Variants in ADGRL2 observed in about 807,000 individuals in gnomAD.
ADGRL2 encodes the protein adhesion G protein-coupled receptor L2.
Under a neutral mutation model 157.4 loss-of-function variants are expected in ADGRL2, and 44 were observed. The ratio of observed to expected loss-of-function variants is 0.28; its 90% CI spans 0.22 to 0.36. The LOEUF is 0.36. Ranked by LOEUF, ADGRL2 falls within the 10% of genes least tolerant of loss-of-function variation. ADGRL2 has a pLI of 1.00. For synonymous variants in ADGRL2, 585 were observed against 624.7 expected (o/e 0.94, Z 0.95); for missense variants, 1,510 against 1,768.9 (o/e 0.85, Z 2.63).
chr1:81,769,652 A>T (rs983348715), intron 2 of ADGRL2, among the ~76,000 whole-genome samples: 3 of 151,838 alleles, frequency 2.0e-5, no homozygotes, highest in African/African-American at 7.2e-5. Flanking sequence ...TACCTTGGCT[A>T]TCATGGCCTT....
chr1:81,925,462 A>C (rs188307020), intron 3 of ADGRL2, among the ~76,000 whole-genome samples: 132 of 152,060 alleles, frequency 8.7e-4, no homozygotes, highest in African/African-American at 2.9e-3. Context: ...CTGAAAATTA[A>C]GTTTAGTGAA....
Position 81,981,888 on chromosome 1 carries a change from A to G in ADGRL2, c.3194A>G (p.Glu1065Gly). The change falls in exon 19 of 24, where the codon GAG becomes GGG. Residue 1065 changes from glutamate to glycine, a missense_variant. By Grantham distance (98) the Glu-to-Gly change is moderately conservative (BLOSUM62 -2). Transcript: ENST00000686636. ...WSFGLLFINE[E>G]TIVMAYLFTI... Reference sequence around the variant, plus strand: ...TTTGGGTTGCTTTTTATTAATGAGGAGACTATTGTGATGGCATATCTCTTC... The same window carrying G: ...TTTGGGTTGCTTTTTATTAATGAGGGGACTATTGTGATGGCATATCTCTTC... The G allele has an allele frequency of 1.2e-6, 2 of 1,612,226 alleles. No homozygotes were observed. The highest frequency in any genetic ancestry group is 1.7e-6 in the Non-Finnish European group (2 of 1,178,802).
chr1:81,450,626 G>A (rs2077685796), intron 2 of ADGRL2, among the ~76,000 whole-genome samples: 1 of 152,060 alleles, frequency 6.6e-6, no homozygotes, highest in Middle Eastern at 3.4e-3. Context: ...CAGGTACCAG[G>A]AAGATGACTG....
In ADGRL2 at chr1:81,970,534, C is replaced by T. The variant is rs747709793; in HGVS notation, c.2954C>T (p.Ala985Val). 2.6e-5 allele frequency: 41 copies of T among 1,604,622 alleles called. No homozygotes were observed. The Admixed American group carries it at 5.5e-4, about 22-fold the overall frequency. Reference sequence around the variant, plus strand: ...TATAAGAGCTATGGAACAGAAAAAGCGTAAGTAATTGCAAGCGACCTGAGT... The same window carrying T: ...TATAAGAGCTATGGAACAGAAAAAGTGTAAGTAATTGCAAGCGACCTGAGT... The part of the protein sequence containing the change: ...IDYKSYGTEK[A>V]CWLHVDNYFI... The change falls in exon 16 of 24, where the codon GCT (alanine) becomes GTT (valine). Residue 985 changes from alanine (A) to valine (V), a missense_variant and splice_region_variant. Physicochemically the swap from Ala to Val is moderately conservative, Grantham distance 64. This residue lies in a region of ADGRL2 where 497 missense variants were observed against 627.2 expected (regional missense o/e 0.79). Coordinates refer to ENST00000686636, the MANE Select transcript of ADGRL2 (RefSeq NM_001366006.2).
chr1:81,511,496 T>A (rs2079076875), intron 2 of ADGRL2, among the ~76,000 whole-genome samples: 1 of 151,644 alleles, frequency 6.6e-6, no homozygotes, highest in African/African-American at 2.4e-5. Flanking sequence ...TTAGCAAGAT[T>A]AATGATTACT....
At chr1:81,905,904 A>G (rs1426210329) in intron 2 of ADGRL2, among the ~76,000 whole-genome samples, 1 of 152,074 alleles carries the variant, frequency 6.6e-6, no homozygotes, top group Admixed American at 6.6e-5. Context: ...AATTATTTGT[A>G]TAGATATTTC....
chr1:81,501,930 C>A (rs1029287932), intron 2 of ADGRL2: 3 of 1,613,880 alleles, frequency 1.9e-6, no homozygotes, highest in Admixed American at 3.3e-5. Flanking sequence ...GTCACGCAGC[C>A]GACTCTCTTT....
At chr1:81,678,838 G>A (rs930517680) in intron 3 of ADGRL2, among the ~76,000 whole-genome samples, 4 of 152,174 alleles carry the variant, frequency 2.6e-5, no homozygotes, top group Non-Finnish European at 5.9e-5. Context: ...AAACATCCTG[G>A]TGTGCAAAGG....
intron 3 of ADGRL2, among the ~76,000 whole-genome samples, chr1:81,667,819 C>G (rs2082783473): frequency 6.6e-6 from 1 of 151,770 alleles, no homozygotes; most frequent in African/African-American, 2.4e-5. Context: ...AAGTTAATGT[C>G]CAAGACATCT....
chr1:81,572,709 A>G (rs1359027331), intron 2 of ADGRL2, among the ~76,000 whole-genome samples: 1 of 152,114 alleles, frequency 6.6e-6, no homozygotes, highest in Non-Finnish European at 1.5e-5. Flanking sequence ...TGGTTTAAGG[A>G]GAAAAAAGTT....
In ADGRL2 at chr1:81,528,659, A is replaced by G. The variant is rs1369914805; in HGVS notation, c.-247-52217A>G. 4.3e-4 allele frequency among the ~76,000 whole-genome samples: 20 copies of G among 46,410 alleles called. 1 individual carries two copies. Among genetic ancestry groups the G allele is most frequent in the South Asian group, 1.0e-3 (1 of 954 alleles). 30.4% of individuals were successfully genotyped at this position (46,410 alleles called of 152,430 possible). On this transcript the variant is annotated intron_variant, in intron 2 of 24. Transcript: ENST00000370721. ...GAGACTCCATCTCAAAAAAAAAAAAAAAAAAAAAAAAAAAAAGAAAAAGAA... is the reference window on the plus strand; with the variant it reads ...GAGACTCCATCTCAAAAAAAAAAAAGAAAAAAAAAAAAAAAAGAAAAAGAA...
chr1:81,502,939 A>G lies in ADGRL2; in HGVS notation c.-248+57850A>G, dbSNP rs2078886873. On this transcript the variant is annotated intron_variant, in intron 2 of 24. Transcript: ENST00000370721. ...TAGCCCTCGAATATCCCCAGCAACC[A>G]CTCTCAGGAAAGGTGATGGAGCCCC... The G allele has an allele frequency of 2.5e-6, 4 of 1,611,512 alleles. No individual in the cohort carries two copies. In the Admixed American group the frequency reaches 5.0e-5, roughly 20 times the overall value.
chr1:81,675,053 A>G (rs1179146841), intron 3 of ADGRL2, among the ~76,000 whole-genome samples: 1 of 152,208 alleles, frequency 6.6e-6, no homozygotes, highest in Non-Finnish European at 1.5e-5. Context: ...ACCTTCCCAA[A>G]TCAGTACAAA....
chr1:81,447,678 A>C (rs1306942725), intron 2 of ADGRL2, among the ~76,000 whole-genome samples: 1 of 152,180 alleles, frequency 6.6e-6, no homozygotes, highest in African/African-American at 2.4e-5. Flanking sequence ...TTTTTAGAAA[A>C]AAACTTCCAA....
chr1:81,625,152 C>T (rs957172199), intron 3 of ADGRL2, among the ~76,000 whole-genome samples: 9 of 152,138 alleles, frequency 5.9e-5, no homozygotes, highest in African/African-American at 2.2e-4. Context: ...TGAAAAAGCT[C>T]CTTCAGTGTA....
At chr1:81,802,539 G>C (rs2088398416) in intron 1 of ADGRL2, among the ~76,000 whole-genome samples, 1 of 152,156 alleles carries the variant, frequency 6.6e-6, no homozygotes, top group Admixed American at 6.5e-5. Context: ...GCTGGCAAGG[G>C]GGTTAGGATG....
chr1:81,774,615 C>A (rs1054192267), intron 2 of ADGRL2, among the ~76,000 whole-genome samples: 5 of 152,060 alleles, frequency 3.3e-5, no homozygotes, highest in African/African-American at 1.2e-4. Flanking sequence ...CTTATTTTTG[C>A]CCATCTTTTT....
chr1:81,600,975 C>T (rs560041125), intron 3 of ADGRL2, among the ~76,000 whole-genome samples: 1 of 152,146 alleles, frequency 6.6e-6, no homozygotes, highest in Non-Finnish European at 1.5e-5. Flanking sequence ...TGAAAAGGAA[C>T]AGTCAGTCTG....
At chr1:81,664,453 C>T (rs927468015) in intron 3 of ADGRL2, among the ~76,000 whole-genome samples, 1 of 152,154 alleles carries the variant, frequency 6.6e-6, no homozygotes, top group Non-Finnish European at 1.5e-5. Flanking sequence ...GTGCTTCCTT[C>T]TGAAACAATC....
Sources: gnomAD v4.1 joint callset for allele counts (sites outside exome capture counted in the v4.1 genomes callset) on GRCh38, gnomAD v4.1.1 for gene constraint, gnomAD v4.1.1 regional missense constraint, MANE v1.5 for transcripts, NCBI Gene and HGNC (gene_info 2026-07-23, HGNC 2026-07-21) for gene names.